The following MAN2C1 variants were observed in gnomAD, a reference collection of about 807,000 sequenced individuals.
The protein encoded by MAN2C1 is alpha-mannosidase 2C1.
A neutral mutation model predicts 126.9 loss-of-function variants in MAN2C1; 111 were observed. The observed-to-expected ratio is 0.87, with a 90% CI of 0.75 to 1.02. The LOEUF (loss-of-function observed/expected upper bound fraction) is 1.02. Ranked by LOEUF, MAN2C1 falls within the 50% of genes least tolerant of loss-of-function variation. The pLI is 0.00. For synonymous variants in MAN2C1, 567 were observed against 561.5 expected, an observed-to-expected ratio of 1.01 and a Z score of -0.14; for missense variants, 1,363 against 1,364.4, an observed-to-expected ratio of 1.00 and a Z score of 0.02.
rs1213549309 is a variant in MAN2C1, at chr15:75,356,396, G to A, written c.2791C>T (p.Leu931=). Residue 931 remains leucine (L), a synonymous_variant, in exon 24 of 26, where the codon CTG becomes TTG. Transcript: ENST00000267978. The surrounding 1 kb of genome is among the most constrained non-coding windows in gnomAD (Gnocchi z 5.8). The part of the protein sequence containing the change: ...IQAAYSLNFP[L]LALPAPSPAP... Reference sequence around the variant, plus strand: ...GGGCTGGGGGCTGGCAGAGCCAACAGGGGGAAGTTTAGGCTGTAGGCAGCT... The same window carrying A: ...GGGCTGGGGGCTGGCAGAGCCAACAAGGGGAAGTTTAGGCTGTAGGCAGCT... 22 of 1,610,684 alleles carry A rather than the reference G, an allele frequency of 1.4e-5. No individual in the cohort carries two copies. The highest frequency in any genetic ancestry group is 1.8e-5 in the Non-Finnish European group (21 of 1,178,752).
chr15:75,365,454 G>A (rs2141339176), intron 4 of MAN2C1: 1 of 153,392 alleles, frequency 6.5e-6, no homozygotes, highest in Non-Finnish European at 1.5e-5. Flanking sequence ...GCCGGGCACG[G>A]TGGCTCATTC....
Position 75,362,148 on chromosome 15 carries a change from T to G in MAN2C1, c.1008+195A>C. ...GGTGCCCAGGACTAGGCCATGCAAC[T>G]TGTCACAGCGCTGGAGGCTCTCCTC... is the stretch of plus-strand genomic sequence containing the variant. On this transcript the variant is annotated intron_variant, in intron 8 of 25. Transcript: ENST00000267978. The surrounding 1 kb of genome is among the most constrained non-coding windows in gnomAD (Gnocchi z 4.5). 1 of 660,756 alleles carries G rather than the reference T, an allele frequency of 1.5e-6. No individual in the cohort carries two copies. The highest frequency in any genetic ancestry group is 2.5e-5 in the Admixed American group (1 of 39,680). The allele number at this position is 660,756 out of a possible 1,614,324, so 40.9% of individuals were successfully genotyped here. A position where few individuals can be genotyped will look rare whatever the true frequency, so the allele number is the denominator to read the frequency against.
rs982126383 is a variant in MAN2C1 at position 75,362,016 on chromosome 15, A to G, written c.1009-69T>C. 2.5e-6 allele frequency: 3 copies of G among 1,191,934 alleles called. No individual in the cohort carries two copies. Among genetic ancestry groups the G allele is most frequent in the African/African-American group, 3.0e-5 (2 of 66,954 alleles). The allele number at this position is 1,191,934 out of a possible 1,614,324, so 73.8% of individuals were successfully genotyped here. ...CGGGGAGCAGGCAGGCGCTCAGGCC[A>G]ACCCAATCCCTGCAGGAGAAGCCAG... On this transcript the variant is annotated intron_variant, in intron 8 of 25. Coordinates refer to ENST00000267978, the MANE Select transcript of MAN2C1 (RefSeq NM_006715.4). This position sits in a 1 kb window ranked among gnomAD's most constrained non-coding sequence, Gnocchi z 4.5.
chr15:75,358,483 G>A lies in MAN2C1; in HGVS notation c.2382C>T (p.Pro794=), dbSNP rs751678581. The change falls in exon 20 of 26, where the codon CCC becomes CCT. Residue 794 remains proline, a synonymous_variant. Transcript: ENST00000267978. ...SQEVVLDVGC[P]YVRFHTEVHW... is the part of the protein sequence containing the mutation. ...CTACCTCGGTGTGGAAGCGGACATA[G>A]GGGCAGCCAACGTCCAGCACAACCT... 3 of 1,613,470 alleles carry A rather than the reference G, an allele frequency of 1.9e-6. No individual in the cohort carries two copies. Among genetic ancestry groups the A allele is most frequent in the South Asian group, 2.2e-5 (2 of 91,092 alleles).
chr15:75,355,926 G>A lies in MAN2C1; in HGVS notation c.3103C>T (p.Leu1035Phe). Reference protein sequence around the residue: ...PFQVLSLLLVLQPPPH With the variant: ...PFQVLSLLLVFQPPPH ...GGGACTCAGTGTGGCGGAGGCTGAA[G>A]CACGAGCAACAGGGACAGCACTTGG... is the stretch of plus-strand genomic sequence containing the variant. Residue 1035 changes from leucine (L) to phenylalanine (F), a missense_variant, in exon 26 of 26, where the codon CTT becomes TTT. Physicochemically the swap from Leu to Phe is conservative, Grantham distance 22 (BLOSUM62 0). Coordinates refer to ENST00000267978, the MANE Select transcript of MAN2C1 (RefSeq NM_006715.4). 6.2e-7 allele frequency: 1 copy of A among 1,614,210 alleles called. No homozygotes were observed. Among genetic ancestry groups the A allele is most frequent in the South Asian group, 1.1e-5 (1 of 91,084 alleles).
chr15:75,366,185 T>C (rs942723591), intron 4 of MAN2C1, among the ~76,000 whole-genome samples: 1 of 152,252 alleles, frequency 6.6e-6, no homozygotes, highest in Non-Finnish European at 1.5e-5. Context: ...TTTCCTGTAT[T>C]TACCACAGGC....
At chr15:75,368,455 G>C (rs1346101519) in intron 1 of MAN2C1, 28 bp downstream of exon 1, 5 of 1,538,434 alleles carry the variant, frequency 3.3e-6, no homozygotes, top group Non-Finnish European at 3.5e-6. Context: ...GTTGCGGTCG[G>C]CCGGCTGCGG....
intron 12 of MAN2C1, 154 bp downstream of exon 12, chr15:75,360,892 C>A: frequency 8.3e-7 from 1 of 1,208,062 alleles, no homozygotes; most frequent in South Asian, 1.6e-5. Context: ...TTCTCCCCCA[C>A]CCACCCCCAG....
rs1250536856 is a variant in MAN2C1 at position 75,368,113 on chromosome 15, C to A, written c.187G>T (p.Asp63Tyr). 5 of 1,607,392 alleles carry A rather than the reference C, an allele frequency of 3.1e-6. No individual in the cohort carries two copies. The East Asian group carries it at 9.0e-5, about 29-fold the overall frequency. ...TCGCCGACCTGCGCGGGGCGGAAGT[C>A]CCGCTGGACTGCCTCCTGGTAGGGA... ...RLPYQEAVQR[D>Y]FRPAQVGDSF... is the part of the protein sequence containing the mutation. Residue 63 changes from aspartate to tyrosine, a missense_variant, in exon 2 of 26, where the codon GAC becomes TAC. Asp to Tyr is a radical substitution (Grantham distance 160). Around this residue, in one of 3 missense-constraint regions of MAN2C1, gnomAD observed 628 missense variants for 609.8 expected, o/e 1.03. Transcript: ENST00000267978.
In MAN2C1 at chr15:75,367,891, T is replaced by A. The variant is rs567169710; in HGVS notation, c.227+182A>T. The A allele has an allele frequency of 6.2e-6, 6 of 962,586 alleles. No homozygotes were observed. The African/African-American group carries it at 9.9e-5, about 16-fold the overall frequency. The allele number at this position is 962,586 out of a possible 1,614,324, so 59.6% of individuals were successfully genotyped here. A position where few individuals can be genotyped will look rare whatever the true frequency, so the allele number is the denominator to read the frequency against. ...GGCGGCCACGTGGGAATGAAAACCA[T>A]CCCCTGAAGACCCAGGGACCAGAGA... On this transcript the variant is annotated intron_variant, in intron 2 of 25. Coordinates refer to ENST00000267978, the MANE Select transcript of MAN2C1 (RefSeq NM_006715.4).
intron 1 of MAN2C1, 82 bp downstream of exon 1, chr15:75,368,401 C>T (rs1431854332): frequency 4.1e-6 from 6 of 1,465,116 alleles, no homozygotes; most frequent in Middle Eastern, 3.8e-4. Flanking sequence ...GCCCGGGTGG[C>T]TGCAGCTTAG....
At position 75,356,353 on chromosome 15, in the gene MAN2C1, C is replaced by T; in HGVS notation, c.2834G>A (p.Trp945Ter). The stretch of plus-strand genomic sequence containing the variant: ...GGGTGAAGACACGGAAAACGCACTC[C>T]AGGAGGTGGCGGGCGCTGGGCTGGG... Reference protein sequence around the residue: ...PAPSPAPATSWSAFSVSSPAV... With the variant: ...PAPSPAPATS The change falls in exon 24 of 26, where the codon TGG (tryptophan) becomes TAG (stop). Residue 945 changes from tryptophan to a stop codon, truncating the protein, a stop_gained. Coordinates refer to ENST00000267978, the MANE Select transcript of MAN2C1 (RefSeq NM_006715.4). LOFTEE classifies it high-confidence loss of function. The surrounding 1 kb of genome is among the most constrained non-coding windows in gnomAD (Gnocchi z 5.8). 6.2e-7 allele frequency: 1 copy of T among 1,612,394 alleles called. No homozygotes were observed. The highest frequency in any genetic ancestry group is 8.5e-7 in the Non-Finnish European group (1 of 1,179,460).
At chr15:75,359,500 T>C (rs2072421622) in intron 16 of MAN2C1, 75 bp from the exon 17 acceptor site, 1 of 1,561,002 alleles carries the variant, frequency 6.4e-7, no homozygotes, top group Non-Finnish European at 8.8e-7. Context: ...GATGGGTTGG[T>C]GGAAGATGTG....
intron 4 of MAN2C1, 66 bp from the exon 5 acceptor site, chr15:75,364,731 G>T: frequency 1.4e-6 from 2 of 1,434,054 alleles, no homozygotes; most frequent in South Asian, 2.9e-5. Context: ...CTTGGGGAAG[G>T]GGCACCCAGG....
rs757873340 is a variant in MAN2C1 at position 75,356,943 on chromosome 15, CCT to C, written c.2548-43_2548-42del. On this transcript the variant is annotated intron_variant, in intron 21 of 25. Coordinates refer to ENST00000267978, the MANE Select transcript of MAN2C1 (RefSeq NM_006715.4). The surrounding 1 kb of genome is among the most constrained non-coding windows in gnomAD (Gnocchi z 5.8). ...AAGACCCACTTGGTGGCCCTGTGCC[CCT>C]CTTTGTGCTCCCAGACTCCAGAGCT... 1.6e-5 allele frequency: 24 copies of C among 1,531,342 alleles called. No individual in the cohort carries two copies. The highest frequency in any genetic ancestry group is 3.4e-4 in the Middle Eastern group (2 of 5,868). 94.9% of individuals were successfully genotyped at this position (1,531,342 alleles called of 1,614,324 possible). A position where few individuals can be genotyped will look rare whatever the true frequency, so the allele number is the denominator to read the frequency against.
In MAN2C1 at chr15:75,362,239, T is replaced by A. The variant is rs2072484550; in HGVS notation, c.1008+104A>T. 4 of 985,104 alleles carry A rather than the reference T, an allele frequency of 4.1e-6. No homozygotes were observed. In the Admixed American group the frequency reaches 8.0e-5, roughly 20 times the overall value. The allele number at this position is 985,104 out of a possible 1,614,324, so 61.0% of individuals were successfully genotyped here. Reference sequence around the variant, plus strand: ...AGCCAGCCCTGCCACACAGCGGGGATGAGTGGCCCGTGGAAACTCACCAGC... The same window carrying A: ...AGCCAGCCCTGCCACACAGCGGGGAAGAGTGGCCCGTGGAAACTCACCAGC... On this transcript the variant is annotated intron_variant, in intron 8 of 25. Transcript: ENST00000267978. The surrounding 1 kb of genome is among the most constrained non-coding windows in gnomAD (Gnocchi z 4.5).
At chr15:75,360,062 T>C (rs1334464210) in intron 14 of MAN2C1, 28 bp downstream of exon 14, 2 of 1,613,848 alleles carry the variant, frequency 1.2e-6, no homozygotes, top group Non-Finnish European at 1.7e-6. Context: ...AGCAGTCAGG[T>C]GGATGGCAGG....
chr15:75,360,051 G>A, intron 14 of MAN2C1, 39 bp downstream of exon 14: 1 of 1,613,950 alleles, frequency 6.2e-7, no homozygotes, highest in Non-Finnish European at 8.5e-7. Context: ...TAACTGCAGT[G>A]AGCAGTCAGG....
Position 75,362,565 on chromosome 15 carries a change from C to A in MAN2C1, c.897+77G>T. 1 of 1,553,264 alleles carries A rather than the reference C, an allele frequency of 6.4e-7. No homozygotes were observed. On this transcript the variant is annotated intron_variant, in intron 7 of 25. Coordinates refer to ENST00000267978, the MANE Select transcript of MAN2C1 (RefSeq NM_006715.4). The surrounding 1 kb of genome is among the most constrained non-coding windows in gnomAD (Gnocchi z 4.5). ...GTGAGGAGCAGCCCTGACCCCAGGC[C>A]TGGGAAGCCTTCAGGGCCTGTGGAG...
Sources: gnomAD v4.1 joint callset for allele counts (sites outside exome capture counted in the v4.1 genomes callset) on GRCh38, gnomAD v4.1.1 for gene constraint, gnomAD v4.1.1 regional missense constraint, Gnocchi (gnomAD v3.1) non-coding constraint, MANE v1.5 for transcripts, NCBI Gene and HGNC (gene_info 2026-07-23, HGNC 2026-07-21) for gene names.